BANK1: variants seen among roughly 807,000 people sequenced by gnomAD.
BANK1 encodes B-cell scaffold protein with ankyrin repeats.
A neutral mutation model predicts 94.5 loss-of-function variants in BANK1; 95 were observed. The ratio of observed to expected loss-of-function variants is 1.00; its 90% CI spans 0.85 to 1.19. The LOEUF (loss-of-function observed/expected upper bound fraction) is 1.19. Among genes scored for constraint, BANK1 ranks in the 50% most tolerant of loss-of-function variants. The pLI is 0.00. For synonymous variants in BANK1, 334 were observed against 308.4 expected (o/e 1.08, Z -0.87); for missense variants, 987 against 932.2 (o/e 1.06, Z -0.77).
chr4:102,041,691 T>G (rs1476689698), intron 10 of BANK1, among the ~76,000 whole-genome samples: 1 of 151,984 alleles, frequency 6.6e-6, no homozygotes, highest in African/African-American at 2.4e-5. Context: ...ATTACCCCAC[T>G]CATAGTATCC....
intron 7 of BANK1, among the ~76,000 whole-genome samples, chr4:101,937,495 A>G (rs1252829800): frequency 6.6e-6 from 1 of 152,050 alleles, no homozygotes; most frequent in Non-Finnish European, 1.5e-5. Flanking sequence ...AAAAATGTTC[A>G]TCATCACTGG....
At chr4:102,044,808 T>G (rs1236762886) in intron 11 of BANK1, among the ~76,000 whole-genome samples, 3 of 97,592 alleles carry the variant, frequency 3.1e-5, no homozygotes, top group Admixed American at 1.3e-4. Flanking sequence ...TTTCATGTGT[T>G]TTTTGGCTGC....
At chr4:101,975,574 T>C (rs1725095028) in intron 7 of BANK1, among the ~76,000 whole-genome samples, 1 of 152,184 alleles carries the variant, frequency 6.6e-6, no homozygotes, top group Non-Finnish European at 1.5e-5. Context: ...ATCTGTAAAA[T>C]GGCAGTGCTA....
intron 5 of BANK1, among the ~76,000 whole-genome samples, chr4:101,880,045 A>G (rs547732901): frequency 5.3e-5 from 8 of 152,206 alleles, no homozygotes; most frequent in African/African-American, 1.9e-4. Context: ...AAAGATGCCC[A>G]CTTTCACCAT....
intron 7 of BANK1, among the ~76,000 whole-genome samples, chr4:101,986,879 G>GTATA (rs1413372137): frequency 8.9e-4 from 45 of 50,612 alleles, no homozygotes; most frequent in African/African-American, 2.3e-3. Flanking sequence ...GTGTATGTGT[G>GTATA]TGTGTGTGTG....
Position 102,063,150 on chromosome 4 carries a change from T to C in BANK1, c.2212+12T>C. 1 of 1,603,406 alleles carries C rather than the reference T, an allele frequency of 6.2e-7. No individual in the cohort carries two copies. ...AGAAAATGTCTATAGTAAGTAAGATTCGCCTGCTATTCAAAAATAATAGAG... is the reference window on the plus strand; with the variant it reads ...AGAAAATGTCTATAGTAAGTAAGATCCGCCTGCTATTCAAAAATAATAGAG... On this transcript the variant is annotated intron_variant, in intron 13 of 16. Coordinates refer to ENST00000322953, the MANE Select transcript of BANK1 (RefSeq NM_017935.5).
intron 7 of BANK1, among the ~76,000 whole-genome samples, chr4:102,019,616 C>A (rs1726821582): frequency 6.6e-6 from 1 of 152,174 alleles, no homozygotes; most frequent in African/African-American, 2.4e-5. Context: ...CTCCATCACA[C>A]AGCCAAGGAT....
In BANK1 at chr4:102,043,829, CT is replaced by C; in HGVS notation, c.1901-5del. On this transcript the variant is annotated splice_polypyrimidine_tract_variant and intron_variant, in intron 10 of 16. Coordinates refer to ENST00000322953, the MANE Select transcript of BANK1 (RefSeq NM_017935.5). Reference sequence around the variant, plus strand: ...TGTTCAGTAAATAATATGTTCTATACTTTTTACAGTGTTTCAACAAAAGACA... The same window carrying C: ...TGTTCAGTAAATAATATGTTCTATACTTTTACAGTGTTTCAACAAAAGACA... 1 of 1,581,292 alleles carries C rather than the reference CT, an allele frequency of 6.3e-7. No homozygotes were observed. The highest frequency in any genetic ancestry group is 8.7e-7 in the Non-Finnish European group (1 of 1,153,514).
chr4:101,950,543 A>C (rs549259071), intron 7 of BANK1, among the ~76,000 whole-genome samples: 17 of 152,172 alleles, frequency 1.1e-4, no homozygotes, highest in Non-Finnish European at 2.4e-4. Context: ...TGAATTTTCA[A>C]ATGCTCTTTC....
chr4:101,843,429 G>A (rs1432854385), intron 2 of BANK1, among the ~76,000 whole-genome samples: 2 of 152,058 alleles, frequency 1.3e-5, no homozygotes, highest in African/African-American at 4.8e-5. Context: ...TCTCTGGGAT[G>A]TATTTTCCCA....
At chr4:102,016,554 A>G (rs563704694) in intron 7 of BANK1, among the ~76,000 whole-genome samples, 2 of 152,278 alleles carry the variant, frequency 1.3e-5, no homozygotes, top group South Asian at 4.1e-4. Context: ...TAACTTTTTT[A>G]AGCTTCATCA....
chr4:102,035,436 C>T (rs1727470596), intron 10 of BANK1, among the ~76,000 whole-genome samples: 1 of 151,994 alleles, frequency 6.6e-6, no homozygotes, highest in Non-Finnish European at 1.5e-5. Flanking sequence ...ATCACGAGGT[C>T]AGGAGAGTGA....
intron 7 of BANK1, among the ~76,000 whole-genome samples, chr4:101,996,059 C>A (rs772050076): frequency 1.3e-5 from 2 of 150,956 alleles, no homozygotes; most frequent in Non-Finnish European, 3.0e-5. Flanking sequence ...AGGTTTTCTT[C>A]TGGGGTTACA....
At chr4:101,917,432 G>A (rs918666670) in intron 6 of BANK1, among the ~76,000 whole-genome samples, 3 of 151,830 alleles carry the variant, frequency 2.0e-5, no homozygotes, top group Admixed American at 1.3e-4. Context: ...TAAAAAAGTT[G>A]TAAAATCCAG....
chr4:101,938,995 C>T (rs1324215466), intron 7 of BANK1, among the ~76,000 whole-genome samples: 2 of 151,742 alleles, frequency 1.3e-5, no homozygotes, highest in Non-Finnish European at 1.5e-5. Context: ...TATCACCCCT[C>T]TACCTGAGAC....
chr4:101,830,130 T>G lies in BANK1; in HGVS notation c.393T>G (p.Ser131=), dbSNP rs771269149. 6 of 1,610,826 alleles carry G rather than the reference T, an allele frequency of 3.7e-6. No individual in the cohort carries two copies. Among genetic ancestry groups the G allele is most frequent in the Non-Finnish European group, 5.1e-6 (6 of 1,178,614 alleles). The change falls in exon 2 of 17, where the codon TCT becomes TCG. Residue 131 remains serine, a synonymous_variant. Coordinates refer to ENST00000322953, the MANE Select transcript of BANK1 (RefSeq NM_017935.5). Reference sequence around the variant, plus strand: ...AGCTCTATGAATTACTAAATATCTCTCAAAGCAGATGGGAGATCTCAACTG... The same window carrying G: ...AGCTCTATGAATTACTAAATATCTCGCAAAGCAGATGGGAGATCTCAACTG... The part of the protein sequence containing the change: ...SDQLYELLNI[S]QSRWEISTEQ...
At chr4:101,877,837 A>G (rs540796402) in intron 5 of BANK1, among the ~76,000 whole-genome samples, 66 of 152,250 alleles carry the variant, frequency 4.3e-4, no homozygotes, top group African/African-American at 1.4e-3. Flanking sequence ...GTGAGCCAAG[A>G]TTGCGCCACT....
At chr4:101,856,992 G>A (rs1003253863) in intron 3 of BANK1, among the ~76,000 whole-genome samples, 6 of 152,024 alleles carry the variant, frequency 3.9e-5, no homozygotes, top group Non-Finnish European at 7.4e-5. Context: ...GAATCCATAA[G>A]ACTATTGCCA....
chr4:102,062,218 G>C (rs1241849078), intron 12 of BANK1: 1 of 152,166 alleles, frequency 6.6e-6, no homozygotes, highest in African/African-American at 2.4e-5. Flanking sequence ...CAAACATGGA[G>C]TTAATAGGGG....
Sources: allele counts gnomAD v4.1 joint callset (sites outside exome capture counted in the v4.1 genomes callset), GRCh38; gene constraint gnomAD v4.1.1; transcripts MANE v1.5; gene names NCBI Gene and HGNC (gene_info 2026-07-23, HGNC 2026-07-21).